NCAM1: variants seen among roughly 807,000 people sequenced by gnomAD.
The protein encoded by NCAM1 is neural cell adhesion molecule 1.
Under a neutral mutation model 109.8 loss-of-function variants are expected in NCAM1, and 14 were observed. The observed-to-expected ratio is 0.13, with a 90% CI of 0.08 to 0.20. The LOEUF is 0.20. Ranked by LOEUF, NCAM1 falls within the 10% of genes least tolerant of loss-of-function variation. The probability of loss-of-function intolerance (pLI) is 1.00; values close to 1 mark genes in which losing one functional copy is unlikely to be tolerated. For synonymous variants in NCAM1, 418 were observed against 442.9 expected (o/e 0.94, Z 0.70); for missense variants, 774 against 1,109.9 (o/e 0.70, Z 4.30).
chr11:113,192,071 T>TG (rs1943694467), intron 1 of NCAM1, among the ~76,000 whole-genome samples: 1 of 152,240 alleles, frequency 6.6e-6, no homozygotes, highest in South Asian at 2.1e-4. Flanking sequence ...TCCAACTTCT[T>TG]GCCATGTTGG....
Position 113,202,374 on chromosome 11 carries a change from T to C in NCAM1, c.53-5T>C. 7.3e-7 allele frequency: 1 copy of C among 1,374,598 alleles called. No individual in the cohort carries two copies. The highest frequency in any genetic ancestry group is 1.0e-6 in the Non-Finnish European group (1 of 994,508). The allele number at this position is 1,374,598 out of a possible 1,614,324, so 85.2% of individuals were successfully genotyped here. On this transcript the variant is annotated splice_polypyrimidine_tract_variant and splice_region_variant and intron_variant, in intron 1 of 19. Coordinates refer to ENST00000316851, the MANE Select transcript of NCAM1 (RefSeq NM_181351.5). ...GTTTTGTTTTGTTTTGTTTTGTTTT[T>C]TCAGTTTCTCTGCAGGTGGATATTG...
At position 113,271,853 on chromosome 11, in the gene NCAM1, G is replaced by A; in HGVS notation, c.2433G>A (p.Glu811=). Residue 811 remains glutamate (E), a synonymous_variant, in exon 19 of 20, where the codon GAG becomes GAA. Transcript: ENST00000316851. ...GAGGGAAACACACAGAGCCCAACGA[G>A]ACCACGCCACTGACGGAGCCCGAGT... is the stretch of plus-strand genomic sequence containing the variant. The part of the protein sequence containing the change: ...HDGGKHTEPN[E]TTPLTEPEKG... 2 of 1,570,728 alleles carry A rather than the reference G, an allele frequency of 1.3e-6. No homozygotes were observed. Among genetic ancestry groups the A allele is most frequent in the Non-Finnish European group, 1.7e-6 (2 of 1,158,338 alleles).
At position 113,276,837 on chromosome 11, in the gene NCAM1, G is replaced by GC. The variant is rs1565545946; in HGVS notation, c.*1450_*1451insC. 1 of 151,792 alleles carries GC rather than the reference G, an allele frequency of 6.6e-6. No individual in the cohort carries two copies. The highest frequency in any genetic ancestry group is 2.4e-5 in the African/African-American group (1 of 41,090). 9.4% of individuals were successfully genotyped at this position (151,792 alleles called of 1,614,324 possible). The stretch of plus-strand genomic sequence containing the variant: ...ACAGAAACTTTAAGGGGGATGGGAG[G>GC]GGGGGGAGAAGGGAAAAGCCAGCCC... On this transcript the variant is annotated 3_prime_UTR_variant, in exon 20 of 20. Coordinates refer to ENST00000316851, the MANE Select transcript of NCAM1 (RefSeq NM_181351.5).
chr11:113,253,072 T>G (rs1283622942), intron 15 of NCAM1, among the ~76,000 whole-genome samples: 1 of 152,088 alleles, frequency 6.6e-6, no homozygotes, highest in Non-Finnish European at 1.5e-5. Context: ...ATGTCAAATG[T>G]GTTCTAACTA....
chr11:113,053,244 T>C (rs1184288623), intron 1 of NCAM1, among the ~76,000 whole-genome samples: 2 of 152,218 alleles, frequency 1.3e-5, no homozygotes, highest in Non-Finnish European at 2.9e-5. Context: ...ATCTCATTCC[T>C]TTTTTATGGC....
chr11:113,093,953 C>T (rs1189271602), intron 1 of NCAM1, among the ~76,000 whole-genome samples: 1 of 152,180 alleles, frequency 6.6e-6, no homozygotes, highest in African/African-American at 2.4e-5. Flanking sequence ...GCAGGAGCTC[C>T]CCTTCAACTC....
intron 1 of NCAM1, among the ~76,000 whole-genome samples, chr11:113,000,847 TACACAAA>T (rs1254982157): frequency 5.3e-5 from 6 of 113,578 alleles, no homozygotes; most frequent in African/African-American, 1.8e-4. Flanking sequence ...TATATATATA[TACACAAA>T]AAATATATAT....
chr11:113,121,604 C>T lies in NCAM1; in HGVS notation c.53-80775C>T, dbSNP rs368976765. Among the ~76,000 whole-genome samples the T allele has an allele frequency of 3.3e-5, 5 of 149,546 alleles. No individual in the cohort carries two copies. In the East Asian group the frequency reaches 7.8e-4, roughly 23 times the overall value. On this transcript the variant is annotated intron_variant, in intron 1 of 19. Coordinates refer to ENST00000316851, the MANE Select transcript of NCAM1 (RefSeq NM_181351.5). The stretch of plus-strand genomic sequence containing the variant: ...GGCTTTTGAGAAGAATAACAATGAT[C>T]CCCCTCAAAAAGGAGACAGGAGTAG...
intron 1 of NCAM1, among the ~76,000 whole-genome samples, chr11:113,042,566 A>G (rs1320087922): frequency 1.3e-5 from 2 of 150,822 alleles, no homozygotes; most frequent in Admixed American, 6.6e-5. Flanking sequence ...GCCACCCCTA[A>G]CTCTTCTCTC....
intron 1 of NCAM1, among the ~76,000 whole-genome samples, chr11:113,052,581 T>C (rs1953544001): frequency 6.6e-6 from 1 of 152,162 alleles, no homozygotes; most frequent in Non-Finnish European, 1.5e-5. Flanking sequence ...ATGATTTGGC[T>C]TGGCTTGATG....
chr11:113,273,173 C>A lies in NCAM1; in HGVS notation c.2456+1297C>A, dbSNP rs1946323035. On this transcript the variant is annotated intron_variant, in intron 19 of 19. Transcript: ENST00000316851. This position sits in a 1 kb window ranked among gnomAD's most constrained non-coding sequence, Gnocchi z 6.0. ...CCAGCGCCTCTGCCCCCTCCCCGGC[C>A]CCAGCTTCAGCCCCCAAGGTCGCCC... 9.9e-6 allele frequency: 4 copies of A among 405,396 alleles called. No individual in the cohort carries two copies. The highest frequency in any genetic ancestry group is 7.2e-5 in the South Asian group (4 of 55,462). 25.1% of individuals were successfully genotyped at this position (405,396 alleles called of 1,614,324 possible). A position where few individuals can be genotyped will look rare whatever the true frequency, so the allele number is the denominator to read the frequency against.
chr11:112,965,336 A>T (rs561796709), intron 1 of NCAM1, among the ~76,000 whole-genome samples: 5 of 152,264 alleles, frequency 3.3e-5, no homozygotes, highest in African/African-American at 1.2e-4. Flanking sequence ...CAGCAATAAG[A>T]AGGAGAAATT....
At chr11:112,979,700 T>A (rs905406349) in intron 1 of NCAM1, among the ~76,000 whole-genome samples, 2 of 151,842 alleles carry the variant, frequency 1.3e-5, no homozygotes, top group Non-Finnish European at 2.9e-5. Flanking sequence ...TTAGCTTGAG[T>A]GACTCCATTT....
In NCAM1 at chr11:112,961,441, T is replaced by A. The variant is rs782761878; in HGVS notation, c.-172T>A. On this transcript the variant is annotated 5_prime_UTR_variant, in exon 1 of 20. Transcript: ENST00000316851. ...TGTCACTCATTCTCCGATCAGCGCG[T>A]GAACGCAGCTCGGCTGCCGCTGGCA... The A allele has an allele frequency of 2.6e-6, 2 of 766,784 alleles. No individual in the cohort carries two copies. Among genetic ancestry groups the A allele is most frequent in the Admixed American group, 3.5e-5 (2 of 57,652 alleles). The allele number at this position is 766,784 out of a possible 1,614,324, so 47.5% of individuals were successfully genotyped here. A position where few individuals can be genotyped will look rare whatever the true frequency, so the allele number is the denominator to read the frequency against.
intron 1 of NCAM1, among the ~76,000 whole-genome samples, chr11:113,124,276 C>A (rs1555096638): frequency 6.6e-6 from 1 of 152,170 alleles, no homozygotes; most frequent in African/African-American, 2.4e-5. Context: ...TACCATCTCC[C>A]TAAGCTTTTC....
At chr11:113,142,790 A>C (rs1442068675) in intron 1 of NCAM1, among the ~76,000 whole-genome samples, 1 of 152,178 alleles carries the variant, frequency 6.6e-6, no homozygotes, top group African/African-American at 2.4e-5. Flanking sequence ...AAACCAAGCA[A>C]TTTAGAGTTA....
rs183534531 is a variant in NCAM1 at position 113,008,680 on chromosome 11, A to C, written c.52+47016A>C. Among the ~76,000 whole-genome samples, 6 of 152,340 alleles carry C rather than the reference A, an allele frequency of 3.9e-5. No individual in the cohort carries two copies. In the East Asian group the frequency reaches 1.2e-3, roughly 29 times the overall value. ...TGTCTGTCAAACTAGTGAAACTAAA[A>C]TCATATCATCTGGAGGTTACTCATC... On this transcript the variant is annotated intron_variant, in intron 1 of 19. Transcript: ENST00000316851.
chr11:113,166,264 ATGGTCC>A (rs1354346729), intron 1 of NCAM1, among the ~76,000 whole-genome samples: 3 of 152,192 alleles, frequency 2.0e-5, no homozygotes, highest in Non-Finnish European at 4.4e-5. Flanking sequence ...GATCTCAACC[ATGGTCC>A]TAGCTGCCTT....
chr11:113,104,234 G>C (rs1015099750), intron 1 of NCAM1, among the ~76,000 whole-genome samples: 1 of 150,112 alleles, frequency 6.7e-6, no homozygotes, highest in Non-Finnish European at 1.5e-5. Context: ...TGGTGGTGGC[G>C]GTGCAGGGGA....
Sources: gnomAD v4.1 joint callset for allele counts (sites outside exome capture counted in the v4.1 genomes callset) on GRCh38, gnomAD v4.1.1 for gene constraint, Gnocchi (gnomAD v3.1) non-coding constraint, MANE v1.5 for transcripts, NCBI Gene and HGNC (gene_info 2026-07-23, HGNC 2026-07-21) for gene names.